Variants in TNFRSF10C observed in about 807,000 individuals in gnomAD.
TNFRSF10C encodes TNF receptor superfamily member 10c.
TNFRSF10C carries 17 observed loss-of-function variants against 16.7 expected under a neutral mutation model. That is an observed-to-expected ratio of 1.02 (90% CI 0.70 to 1.53). The LOEUF is 1.53. TNFRSF10C is among the 40% of genes most tolerant of loss of function. The probability of loss-of-function intolerance (pLI) is 0.00; values close to 1 mark genes in which losing one functional copy is unlikely to be tolerated. For missense variants in TNFRSF10C, 237 were observed against 329.7 expected, an observed-to-expected ratio of 0.72 and a Z score of 2.18; for synonymous variants, 73 against 119.7, an observed-to-expected ratio of 0.61 and a Z score of 2.55.
At position 23,116,659 on chromosome 8, in the gene TNFRSF10C, C is replaced by A. The variant is rs181921509; in HGVS notation, c.408C>A (p.Val136=). The change falls in exon 5 of 5, where the codon GTC becomes GTA. Residue 136 remains valine, a synonymous_variant. Transcript: ENST00000356864. ...TACCCAGGTGCCCTAGTGGGGAAGT[C>A]CAAGTCAGTAATTGTACGTCCTGGG... ...RKCSRCPSGE[V]QVSNCTSWDD... 9.3e-6 allele frequency: 15 copies of A among 1,614,026 alleles called. No individual in the cohort carries two copies. In the East Asian group the frequency reaches 2.9e-4, roughly 31 times the overall value.
intron 4 of TNFRSF10C, 29 bp downstream of exon 4, chr8:23,115,645 G>A: frequency 6.3e-7 from 1 of 1,591,728 alleles, no homozygotes; most frequent in Non-Finnish European, 8.6e-7. Flanking sequence ...GCTCCTGACA[G>A]CTTTCAGGAA....
At chr8:23,103,477 C>T in intron 1 of TNFRSF10C, 1 of 553,862 alleles carries the variant, frequency 1.8e-6, no homozygotes, top group East Asian at 3.1e-5. Flanking sequence ...TAGAGTGAGC[C>T]TCCTGAAGAC....
chr8:23,112,880 T>G (rs1813906334), intron 2 of TNFRSF10C, among the ~76,000 whole-genome samples: 1 of 152,174 alleles, frequency 6.6e-6, no homozygotes, highest in Non-Finnish European at 1.5e-5. Flanking sequence ...TTTTGTTTTT[T>G]GAGGAACCTC....
chr8:23,108,402 G>T (rs1321687500), intron 1 of TNFRSF10C, among the ~76,000 whole-genome samples: 1 of 152,010 alleles, frequency 6.6e-6, no homozygotes, highest in Admixed American at 6.6e-5. Flanking sequence ...CTTTTTTCTG[G>T]CATCGGCTGT....
chr8:23,103,373 AG>A, intron 1 of TNFRSF10C, 192 bp downstream of exon 1: 1 of 1,005,152 alleles, frequency 9.9e-7, no homozygotes, highest in Non-Finnish European at 1.5e-6. Flanking sequence ...CCCGGCCGCG[AG>A]GGAGCAGAGA....
chr8:23,114,048 G>A (rs1405964022), intron 2 of TNFRSF10C, among the ~76,000 whole-genome samples: 3 of 152,154 alleles, frequency 2.0e-5, no homozygotes, highest in South Asian at 2.1e-4. Context: ...GATAGACAAG[G>A]TTGGTGGGGC....
At chr8:23,109,996 A>G (rs2128830675) in intron 1 of TNFRSF10C, among the ~76,000 whole-genome samples, 1 of 133,122 alleles carries the variant, frequency 7.5e-6, no homozygotes, top group African/African-American at 2.8e-5. Context: ...GAGGAGGCAA[A>G]GGTTGTAGTG....
At chr8:23,108,018 G>A (rs1478771053) in intron 1 of TNFRSF10C, among the ~76,000 whole-genome samples, 1 of 152,136 alleles carries the variant, frequency 6.6e-6, no homozygotes, top group Non-Finnish European at 1.5e-5. Flanking sequence ...CGTTGAAGGC[G>A]GCGAATCCGT....
At chr8:23,114,430 T>TCATAGAATTTGAATTTTG (rs1246320854) in intron 2 of TNFRSF10C, 3 of 408,952 alleles carry the variant, frequency 7.3e-6, no homozygotes, top group East Asian at 8.3e-5. Context: ...AATATGGCTC[T>TCATAGAATTTGAATTTTG]CATAGAATTT....
At chr8:23,107,911 C>T (rs866497989) in intron 1 of TNFRSF10C, among the ~76,000 whole-genome samples, 41 of 152,146 alleles carry the variant, frequency 2.7e-4, no homozygotes, top group Non-Finnish European at 1.5e-4. Context: ...GAAAAAGATA[C>T]ACCATGCAGA....
Position 23,114,657 on chromosome 8 carries a change from G to T in TNFRSF10C, c.167G>T (p.Gly56Val), listed in dbSNP as rs781750714. The T allele has an allele frequency of 6.2e-7, 1 of 1,612,332 alleles. No individual in the cohort carries two copies. The highest frequency in any genetic ancestry group is 1.1e-5 in the South Asian group (1 of 91,012). ...CATTGGCTTTTCTCTTCCTTCCCAG[G>T]ATCTCATAGATCAGAACATACTGGA... ...HSFKGEECPA[G>V]SHRSEHTGAC... Residue 56 changes from glycine to valine, a missense_variant and splice_region_variant, in exon 3 of 5, where the codon GGA (glycine) becomes GTA (valine). Around this residue, in one of 2 missense-constraint regions of TNFRSF10C, gnomAD observed 212 missense variants for 196.8 expected, o/e 1.08. Transcript: ENST00000356864.
At chr8:23,108,938 A>G (rs529965984) in intron 1 of TNFRSF10C, among the ~76,000 whole-genome samples, 135 of 150,902 alleles carry the variant, frequency 8.9e-4, no homozygotes, top group African/African-American at 3.2e-3. Context: ...CAATATCCAC[A>G]GAGAATTCTA....
Position 23,114,687 on chromosome 8 carries a change from G to A in TNFRSF10C, c.197G>A (p.Cys66Tyr). 2 of 1,614,014 alleles carry A rather than the reference G, an allele frequency of 1.2e-6. No individual in the cohort carries two copies. The highest frequency in any genetic ancestry group is 1.1e-5 in the South Asian group (1 of 91,076). The change falls in exon 3 of 5, where the codon TGT becomes TAT. Residue 66 changes from cysteine to tyrosine, a missense_variant. By Grantham distance (194) the Cys-to-Tyr change is radical. Around this residue, in one of 2 missense-constraint regions of TNFRSF10C, gnomAD observed 212 missense variants for 196.8 expected, o/e 1.08. Coordinates refer to ENST00000356864, the MANE Select transcript of TNFRSF10C (RefSeq NM_003841.5). ...CATAGATCAGAACATACTGGAGCCT[G>A]TAACCCGTGCACAGAGGGTGTGGAT... ...GSHRSEHTGA[C>Y]NPCTEGVDYT...
At chr8:23,114,630 T>A (rs753669696) in intron 2 of TNFRSF10C, 27 bp from the exon 3 acceptor site, 1 of 1,582,970 alleles carries the variant, frequency 6.3e-7, no homozygotes, top group Non-Finnish European at 8.7e-7. Context: ...TGGTGACTCA[T>A]TCATTGGCTT....
chr8:23,108,342 T>G (rs777561994), intron 1 of TNFRSF10C, among the ~76,000 whole-genome samples: 1 of 152,174 alleles, frequency 6.6e-6, no homozygotes, highest in Non-Finnish European at 1.5e-5. Context: ...TGAAATCTTA[T>G]TGGGAAGCTG....
At position 23,115,497 on chromosome 8, in the gene TNFRSF10C, T is replaced by C. The variant is rs747582356; in HGVS notation, c.281-11T>C. 7 of 1,610,132 alleles carry C rather than the reference T, an allele frequency of 4.3e-6. No homozygotes were observed. The South Asian group carries it at 7.7e-5, about 18-fold the overall frequency. ...GAAACACATTCCCAAAACCTTATGC[T>C]CTGTTGTCAGATCAAAAACATAAAA... is the stretch of plus-strand genomic sequence containing the variant. On this transcript the variant is annotated splice_polypyrimidine_tract_variant and intron_variant, in intron 3 of 4. Coordinates refer to ENST00000356864, the MANE Select transcript of TNFRSF10C (RefSeq NM_003841.5).
At chr8:23,112,483 A>C (rs1244357453) in intron 2 of TNFRSF10C, among the ~76,000 whole-genome samples, 1 of 152,162 alleles carries the variant, frequency 6.6e-6, no homozygotes, top group Non-Finnish European at 1.5e-5. Context: ...CCCACCATCC[A>C]ACTCAAGCCC....
chr8:23,109,805 C>T (rs1259063010), intron 1 of TNFRSF10C, among the ~76,000 whole-genome samples: 1 of 151,774 alleles, frequency 6.6e-6, no homozygotes, highest in African/African-American at 2.4e-5. Flanking sequence ...GTGGCTTACG[C>T]CTGTAATCCC....
At chr8:23,109,823 T>C (rs73222544) in intron 1 of TNFRSF10C, among the ~76,000 whole-genome samples, 16,704 of 151,862 alleles carry the variant, frequency 0.11, 1,208 homozygotes, top group East Asian at 0.35. Context: ...CCCAGTACTT[T>C]GGGAGGCCCA....
Sources: gnomAD v4.1 joint callset for allele counts (sites outside exome capture counted in the v4.1 genomes callset) on GRCh38, gnomAD v4.1.1 for gene constraint, gnomAD v4.1.1 regional missense constraint, MANE v1.5 for transcripts, NCBI Gene and HGNC (gene_info 2026-07-23, HGNC 2026-07-21) for gene names.